The following WWOX variants were observed in gnomAD, a reference collection of about 807,000 sequenced individuals.
The protein encoded by WWOX is WW domain-containing oxidoreductase.
Under a neutral mutation model 46.2 loss-of-function variants are expected in WWOX, and 69 were observed. The observed-to-expected ratio is 1.49, with a 90% CI of 1.23 to 1.82. The LOEUF (loss-of-function observed/expected upper bound fraction) is 1.82, where lower values mean the gene tolerates loss of function less well. Ranked by LOEUF, WWOX falls within the 40% of genes most tolerant of loss-of-function variation. The pLI is 0.00. For missense variants in WWOX, 919 were observed against 542.6 expected (o/e 1.69, Z -6.89); for synonymous variants, 359 against 202.6 (o/e 1.77, Z -6.56).
chr16:78,460,370 C>T (rs1012071040), intron 8 of WWOX, among the ~76,000 whole-genome samples: 8 of 152,192 alleles, frequency 5.3e-5, no homozygotes, highest in Non-Finnish European at 1.5e-5. Flanking sequence ...TCTCCTCGGC[C>T]TTGCAAAGTG....
At chr16:78,376,795 C>G (rs1028412317) in intron 5 of WWOX, among the ~76,000 whole-genome samples, 5 of 152,200 alleles carry the variant, frequency 3.3e-5, no homozygotes, top group African/African-American at 1.2e-4. Flanking sequence ...AGAGCAGACT[C>G]TGCTCACACT....
rs535507516 is a variant in WWOX, at chr16:78,918,317, A to C, written c.1057-293291A>C. Among the ~76,000 whole-genome samples the C allele has an allele frequency of 3.9e-5, 6 of 152,336 alleles. No homozygotes were observed. The South Asian group carries it at 1.0e-3, about 26-fold the overall frequency. ...TTTGTACTTCTAAGAGGCATCTTCT[A>C]TACATTTCCTGTTTCTCTCTTCCTT... On this transcript the variant is annotated intron_variant, in intron 8 of 8. Transcript: ENST00000566780.
intron 8 of WWOX, among the ~76,000 whole-genome samples, chr16:78,836,940 G>C (rs2052001743): frequency 6.6e-6 from 1 of 152,146 alleles, no homozygotes; most frequent in Non-Finnish European, 1.5e-5. Context: ...AAATATGAGA[G>C]ATGGAAGGTC....
At chr16:79,011,288 C>G (rs1042240966) in intron 8 of WWOX, among the ~76,000 whole-genome samples, 1 of 151,484 alleles carries the variant, frequency 6.6e-6, no homozygotes, top group Non-Finnish European at 1.5e-5. Flanking sequence ...CACATCCACA[C>G]TAAGAAAATT....
intron 8 of WWOX, among the ~76,000 whole-genome samples, chr16:78,929,951 C>G (rs1391263620): frequency 6.6e-6 from 1 of 152,156 alleles, no homozygotes; most frequent in Non-Finnish European, 1.5e-5. Context: ...ATTCCCTGTG[C>G]TAACTGCCCT....
intron 8 of WWOX, among the ~76,000 whole-genome samples, chr16:78,886,323 T>C (rs2044457513): frequency 6.6e-6 from 1 of 151,874 alleles, no homozygotes; most frequent in Non-Finnish European, 1.5e-5. Flanking sequence ...CATGAATCTC[T>C]GAGTACATTT....
At position 78,424,720 on chromosome 16, in the gene WWOX, G is replaced by A. The variant is rs6564553; in HGVS notation, c.606-150G>A. 36,866 of 924,914 alleles carry A rather than the reference G, an allele frequency of 0.04. 2,594 individuals carry two copies. Among genetic ancestry groups the A allele is most frequent in the African/African-American group, 0.24 (14,759 of 60,604 alleles). The allele number at this position is 924,914 out of a possible 1,614,324, so 57.3% of individuals were successfully genotyped here. A position where few individuals can be genotyped will look rare whatever the true frequency, so the allele number is the denominator to read the frequency against. Reference sequence around the variant, plus strand: ...ATTTCTACATGGTGGGAATCTAGAAGACGGAGAAAGAATTTCTCATTCCCG... The same window carrying A: ...ATTTCTACATGGTGGGAATCTAGAAAACGGAGAAAGAATTTCTCATTCCCG... On this transcript the variant is annotated intron_variant, in intron 6 of 8. Transcript: ENST00000566780.
chr16:78,735,276 C>T (rs1270923063), intron 8 of WWOX, among the ~76,000 whole-genome samples: 2 of 152,024 alleles, frequency 1.3e-5, no homozygotes, highest in Non-Finnish European at 2.9e-5. Flanking sequence ...CCTGGCTCTC[C>T]ACCTTGCCTA....
At chr16:78,631,204 C>T (rs1597372374) in intron 8 of WWOX, among the ~76,000 whole-genome samples, 1 of 152,126 alleles carries the variant, frequency 6.6e-6, no homozygotes, top group South Asian at 2.1e-4. Context: ...TACTGAGGGA[C>T]AACTGTACAA....
intron 5 of WWOX, among the ~76,000 whole-genome samples, chr16:78,366,369 G>C (rs1296045077): frequency 6.6e-6 from 1 of 152,208 alleles, no homozygotes; most frequent in Non-Finnish European, 1.5e-5. Flanking sequence ...CGTTGTTTGA[G>C]ACTGTTAGGC....
chr16:78,795,418 AT>A (rs1173842189), intron 8 of WWOX, among the ~76,000 whole-genome samples: 1 of 152,162 alleles, frequency 6.6e-6, no homozygotes, highest in Non-Finnish European at 1.5e-5. Flanking sequence ...AGATCCTTGA[AT>A]TGGGAAGGCT....
chr16:78,423,576 T>C (rs2083002849), intron 6 of WWOX, among the ~76,000 whole-genome samples: 1 of 152,146 alleles, frequency 6.6e-6, no homozygotes, highest in Non-Finnish European at 1.5e-5. Flanking sequence ...TTAACAATTT[T>C]GTTACGTTTG....
At chr16:78,387,036 C>CAACA (rs2082075376) in intron 6 of WWOX, 88 bp downstream of exon 6, 1 of 1,368,912 alleles carries the variant, frequency 7.3e-7, no homozygotes, top group African/African-American at 1.4e-5. Context: ...GAATGCAAGG[C>CAACA]TGTTGTGTTG....
intron 8 of WWOX, among the ~76,000 whole-genome samples, chr16:78,728,411 A>G (rs909186713): frequency 1.3e-5 from 2 of 152,146 alleles, no homozygotes; most frequent in African/African-American, 4.8e-5. Flanking sequence ...ATATTTTCAA[A>G]CAAAGAGAAA....
chr16:78,415,426 T>C (rs566198291), intron 6 of WWOX, among the ~76,000 whole-genome samples: 1 of 152,296 alleles, frequency 6.6e-6, no homozygotes, highest in African/African-American at 2.4e-5. Context: ...CTGTATCTTG[T>C]GCTGACCTCC....
chr16:78,947,007 C>G (rs909867994), intron 8 of WWOX, among the ~76,000 whole-genome samples: 2 of 151,598 alleles, frequency 1.3e-5, no homozygotes, highest in Non-Finnish European at 2.9e-5. Flanking sequence ...ACTTTGTTCC[C>G]CCTCAGTCTT....
chr16:78,152,717 C>A (rs576118641), intron 4 of WWOX, among the ~76,000 whole-genome samples: 1 of 152,340 alleles, frequency 6.6e-6, no homozygotes, highest in African/African-American at 2.4e-5. Flanking sequence ...AGTGGCAGCA[C>A]TAGTAGCCAG....
At chr16:78,916,349 G>C (rs1404441583) in intron 8 of WWOX, among the ~76,000 whole-genome samples, 2 of 152,154 alleles carry the variant, frequency 1.3e-5, no homozygotes, top group Admixed American at 1.3e-4. Context: ...CTTTCAAGAA[G>C]CTCGTTCGAC....
At chr16:78,367,952 T>C (rs1485297654) in intron 5 of WWOX, among the ~76,000 whole-genome samples, 4 of 152,118 alleles carry the variant, frequency 2.6e-5, no homozygotes, top group Non-Finnish European at 5.9e-5. Flanking sequence ...AGACGGGATT[T>C]CACCATGTTG....
Sources: gnomAD v4.1 joint callset for allele counts (sites outside exome capture counted in the v4.1 genomes callset) on GRCh38, gnomAD v4.1.1 for gene constraint, MANE v1.5 for transcripts, NCBI Gene and HGNC (gene_info 2026-07-23, HGNC 2026-07-21) for gene names.